The following ZNF407 variants were observed in gnomAD, a reference collection of about 807,000 sequenced individuals.
ZNF407 encodes zinc finger protein 407.
A neutral mutation model predicts 131.2 loss-of-function variants in ZNF407; 17 were observed. The ratio of observed to expected loss-of-function variants is 0.13; its 90% confidence interval spans 0.09 to 0.19. The LOEUF is 0.19. Ranked by LOEUF, ZNF407 falls within the 10% of genes least tolerant of loss-of-function variation. The pLI is 1.00. For missense variants in ZNF407, 2,681 were observed against 2,830.6 expected, an observed-to-expected ratio of 0.95 and a Z score of 1.20; for synonymous variants, 1,156 against 1,062.0, an observed-to-expected ratio of 1.09 and a Z score of -1.72.
At chr18:74,620,489 A>C (rs1955473515) in intron 1 of ZNF407, among the ~76,000 whole-genome samples, 4 of 151,716 alleles carry the variant, frequency 2.6e-5, no homozygotes, top group Admixed American at 2.6e-4. Flanking sequence ...GAAATATTTT[A>C]ATAACCCGCA....
intron 3 of ZNF407, among the ~76,000 whole-genome samples, chr18:74,713,658 A>G (rs982773160): frequency 6.6e-6 from 1 of 152,142 alleles, no homozygotes; most frequent in Non-Finnish European, 1.5e-5. Context: ...CTTATGTGTC[A>G]TAATGAATAA....
At chr18:74,721,409 G>T (rs1400848587) in intron 3 of ZNF407, among the ~76,000 whole-genome samples, 1 of 152,130 alleles carries the variant, frequency 6.6e-6, no homozygotes, top group Non-Finnish European at 1.5e-5. Context: ...AGGCAAGAGA[G>T]AAATAAGTGG....
chr18:74,802,994 C>T (rs552380337), intron 4 of ZNF407, among the ~76,000 whole-genome samples: 11 of 151,926 alleles, frequency 7.2e-5, no homozygotes, highest in African/African-American at 1.2e-4. Flanking sequence ...ATATAGAATT[C>T]AAAAGTTATA....
intron 8 of ZNF407, among the ~76,000 whole-genome samples, chr18:75,058,884 A>G (rs1973592661): frequency 6.6e-6 from 1 of 152,216 alleles, no homozygotes; most frequent in African/African-American, 2.4e-5. Context: ...TCATGGTTGA[A>G]ATGGAAGAAT....
chr18:74,775,691 C>G (rs971128200), intron 3 of ZNF407, among the ~76,000 whole-genome samples: 1 of 152,104 alleles, frequency 6.6e-6, no homozygotes, highest in Middle Eastern at 3.2e-3. Context: ...TAAAGAAATA[C>G]CTGACGCTGA....
chr18:75,033,290 T>C lies in ZNF407; in HGVS notation c.5429-29860T>C, dbSNP rs561882284. Among the ~76,000 whole-genome samples the C allele has an allele frequency of 8.0e-5, 12 of 150,342 alleles. No individual in the cohort carries two copies. The East Asian group carries it at 2.4e-3, about 30-fold the overall frequency. ...ATTAGGTAACTAAGCGTGCTCAGAA[T>C]GGGGGGAAGATAGTATTAGATAACT... On this transcript the variant is annotated intron_variant, in intron 8 of 8. Transcript: ENST00000299687.
At chr18:74,838,629 A>C (rs1156268560) in intron 4 of ZNF407, among the ~76,000 whole-genome samples, 1 of 152,080 alleles carries the variant, frequency 6.6e-6, no homozygotes, top group Non-Finnish European at 1.5e-5. Context: ...ACTTTATTAA[A>C]AGTTCTCTTT....
chr18:74,670,803 C>G (rs1263319667), intron 3 of ZNF407, among the ~76,000 whole-genome samples: 1 of 152,140 alleles, frequency 6.6e-6, no homozygotes, highest in African/African-American at 2.4e-5. Flanking sequence ...GTAGCTGGGA[C>G]TATAGGCATG....
intron 1 of ZNF407, among the ~76,000 whole-genome samples, chr18:74,605,246 C>G: frequency 6.6e-6 from 1 of 152,174 alleles, no homozygotes. Flanking sequence ...GGTCTCCAGT[C>G]CATTTCCTAA....
intron 8 of ZNF407, among the ~76,000 whole-genome samples, chr18:74,973,903 C>T (rs1242920240): frequency 1.3e-5 from 2 of 152,286 alleles, no homozygotes; most frequent in East Asian, 3.9e-4. Flanking sequence ...AATTAGGGAG[C>T]TGCAGTACTC....
At chr18:74,909,298 C>T (rs1490598157) in intron 7 of ZNF407, among the ~76,000 whole-genome samples, 1 of 151,926 alleles carries the variant, frequency 6.6e-6, no homozygotes, top group Non-Finnish European at 1.5e-5. Flanking sequence ...TAGTTGAACT[C>T]ATTTGTGTTT....
At chr18:74,913,640 G>T (rs894032884) in intron 7 of ZNF407, among the ~76,000 whole-genome samples, 3 of 152,150 alleles carry the variant, frequency 2.0e-5, no homozygotes, top group Non-Finnish European at 2.9e-5. Context: ...TGGGACACAG[G>T]GTACAGTGGA....
intron 8 of ZNF407, among the ~76,000 whole-genome samples, chr18:74,940,590 A>G (rs1972086116): frequency 6.6e-6 from 1 of 152,212 alleles, no homozygotes; most frequent in South Asian, 2.1e-4. Flanking sequence ...TGAAGGTTGT[A>G]GCAGAGAAGC....
At chr18:74,899,779 G>C (rs980778069) in intron 7 of ZNF407, among the ~76,000 whole-genome samples, 2 of 152,182 alleles carry the variant, frequency 1.3e-5, no homozygotes, top group Non-Finnish European at 2.9e-5. Context: ...AAATAGGAGA[G>C]TGCAGCCCGC....
At chr18:75,056,840 CCTG>C (rs1229073386) in intron 8 of ZNF407, among the ~76,000 whole-genome samples, 3 of 152,112 alleles carry the variant, frequency 2.0e-5, no homozygotes, top group African/African-American at 7.2e-5. Flanking sequence ...TGTCATTTTT[CCTG>C]CTTTCACTTG....
At chr18:74,933,201 T>A (rs2145258011) in intron 8 of ZNF407, among the ~76,000 whole-genome samples, 1 of 152,324 alleles carries the variant, frequency 6.6e-6, no homozygotes, top group East Asian at 1.9e-4. Flanking sequence ...AGTGGAGCAT[T>A]ACTCAGCCTT....
intron 3 of ZNF407, among the ~76,000 whole-genome samples, chr18:74,766,660 C>G (rs1382143700): frequency 6.6e-6 from 1 of 152,144 alleles, no homozygotes; most frequent in African/African-American, 2.4e-5. Flanking sequence ...AAAGAAGATA[C>G]ACTTCTAGCC....
chr18:74,947,147 A>AT (rs763529012), intron 8 of ZNF407, among the ~76,000 whole-genome samples: 1 of 152,044 alleles, frequency 6.6e-6, no homozygotes, highest in Non-Finnish European at 1.5e-5. Flanking sequence ...AAATTACCCT[A>AT]TTTTTTCTCC....
chr18:74,727,175 T>G (rs1968177939), intron 3 of ZNF407, among the ~76,000 whole-genome samples: 1 of 152,170 alleles, frequency 6.6e-6, no homozygotes. Context: ...TAGATCATCA[T>G]GAAAACGGTG....
Sources: gnomAD v4.1 joint callset for allele counts (sites outside exome capture counted in the v4.1 genomes callset) on GRCh38, gnomAD v4.1.1 for gene constraint, MANE v1.5 for transcripts, NCBI Gene and HGNC (gene_info 2026-07-23, HGNC 2026-07-21) for gene names.